KDM6A: variants seen among roughly 807,000 people sequenced by gnomAD.
KDM6A encodes lysine-specific demethylase 6A.
A neutral mutation model predicts 117.6 loss-of-function variants in KDM6A; 11 were observed. That is an observed-to-expected ratio of 0.09 (90% CI 0.06 to 0.15). The LOEUF is 0.15. Among genes scored for constraint, KDM6A ranks in the 10% least tolerant of loss-of-function variants. The pLI is 1.00. For missense variants in KDM6A, 799 were observed against 1,077.3 expected (o/e 0.74, Z 3.62); for synonymous variants, 384 against 396.1 (o/e 0.97, Z 0.36).
rs183141579 is a variant in KDM6A at position 44,909,611 on chromosome X, A to G, written c.225+35624A>G. ...ACATTTCAAAATACTAATACCGTAG[A>G]GTATTAGTCATCTATACATTTCTGT... On this transcript the variant is annotated intron_variant, in intron 2 of 29. Coordinates refer to ENST00000611820, the MANE Select transcript of KDM6A (RefSeq NM_001291415.2). Among the ~76,000 whole-genome samples the G allele has an allele frequency of 6.2e-5, 7 of 112,046 alleles. No individual in the cohort carries two copies. The East Asian group carries it at 1.1e-3, about 18-fold the overall frequency.
intron 7 of KDM6A, 46 bp downstream of exon 7, chrX:45,035,031 C>T: frequency 1.1e-6 from 1 of 943,257 alleles, no homozygotes; most frequent in Non-Finnish European, 1.5e-6. Flanking sequence ...ATTCCGATCA[C>T]TTCATGGCAA....
chrX:45,111,187 G>T (rs778222255), intron 29 of KDM6A, among the ~76,000 whole-genome samples, 195 bp from the exon 30 acceptor site: 17 of 111,050 alleles, frequency 1.5e-4, no homozygotes, highest in Admixed American at 1.2e-3. Flanking sequence ...CACTGAGTAG[G>T]ATAATGGTCT....
At chrX:44,918,212 A>G (rs969126732) in intron 2 of KDM6A, among the ~76,000 whole-genome samples, 8 of 111,901 alleles carry the variant, frequency 7.1e-5, no homozygotes, top group African/African-American at 2.6e-4. Flanking sequence ...ACCCAGTACA[A>G]AAATTGAAAG....
chrX:44,910,332 G>A (rs955184706), intron 2 of KDM6A, among the ~76,000 whole-genome samples: 3 of 111,416 alleles, frequency 2.7e-5, no homozygotes, highest in Admixed American at 9.5e-5. Context: ...ACTCACAGCC[G>A]TATGACACCA....
At chrX:44,900,829 G>A (rs2034294965) in intron 2 of KDM6A, among the ~76,000 whole-genome samples, 1 of 111,404 alleles carries the variant, frequency 9.0e-6, no homozygotes, top group Admixed American at 9.5e-5. Flanking sequence ...CCTGGGAGGT[G>A]GAGATCGTGT....
At chrX:44,978,971 C>T (rs1214936918) in intron 4 of KDM6A, among the ~76,000 whole-genome samples, 1 of 112,137 alleles carries the variant, frequency 8.9e-6, no homozygotes, top group African/African-American at 3.2e-5. Flanking sequence ...GGATATGCCA[C>T]AGTTTTTCTC....
chrX:44,892,199 T>G (rs2033420470), intron 2 of KDM6A, among the ~76,000 whole-genome samples: 1 of 112,525 alleles, frequency 8.9e-6, no homozygotes. Flanking sequence ...GATTTAGCTA[T>G]TCTGAGATCT....
intron 2 of KDM6A, among the ~76,000 whole-genome samples, chrX:44,951,266 A>T (rs189775810): frequency 1.4e-3 from 153 of 111,785 alleles, no homozygotes; most frequent in African/African-American, 4.8e-3. Context: ...GTTATTCCTA[A>T]CATTTGCCAA....
At chrX:44,990,417 G>A (rs1054065638) in intron 4 of KDM6A, among the ~76,000 whole-genome samples, 6 of 110,516 alleles carry the variant, frequency 5.4e-5, no homozygotes, top group African/African-American at 2.0e-4. Context: ...GCACGCGCTT[G>A]TAATCCCAGC....
chrX:44,914,472 A>C (rs906659673), intron 2 of KDM6A, among the ~76,000 whole-genome samples: 2 of 111,845 alleles, frequency 1.8e-5, no homozygotes, highest in Non-Finnish European at 3.8e-5. Context: ...TATGTCTCAG[A>C]TAAGTTTTTT....
At chrX:45,085,071 A>G (rs901441195) in intron 24 of KDM6A, among the ~76,000 whole-genome samples, 1 of 111,822 alleles carries the variant, frequency 8.9e-6, no homozygotes. Context: ...TATTTTATCC[A>G]TAGTCAGGTA....
At chrX:44,980,213 C>T (rs1227945852) in intron 4 of KDM6A, among the ~76,000 whole-genome samples, 1 of 110,654 alleles carries the variant, frequency 9.0e-6, no homozygotes, top group Non-Finnish European at 1.9e-5. Context: ...CCAGGATGGT[C>T]TCGATCTCCT....
chrX:45,047,009 T>TGGTGGTGGTGGTGGTGGTGGTGGTGG, intron 8 of KDM6A, among the ~76,000 whole-genome samples: 1 of 110,741 alleles, frequency 9.0e-6, no homozygotes, highest in African/African-American at 3.3e-5. Flanking sequence ...GTGGTGGTGG[T>TGGTGGTGGTGGTGGTGGTGGTGGTGG]TTGGAGTGTC....
intron 6 of KDM6A, among the ~76,000 whole-genome samples, chrX:45,032,047 C>T (rs746080579): frequency 9.0e-6 from 1 of 111,032 alleles, no homozygotes; most frequent in South Asian, 3.8e-4. Flanking sequence ...AAAAAAAAGT[C>T]ATAAGTAAAT....
intron 27 of KDM6A, among the ~76,000 whole-genome samples, chrX:45,098,821 T>C (rs1330939747): frequency 8.9e-6 from 1 of 111,835 alleles, no homozygotes; most frequent in Non-Finnish European, 1.9e-5. Context: ...GGTACTGATC[T>C]CCTTTAATTC....
intron 6 of KDM6A, 73 bp from the exon 7 acceptor site, chrX:45,034,858 C>A (rs904939667): frequency 2.4e-6 from 2 of 844,677 alleles, no homozygotes; most frequent in Admixed American, 2.2e-5. Context: ...CCTTACATAC[C>A]TGAAAAGTAT....
At chrX:45,083,685 A>G (rs952901743) in intron 24 of KDM6A, 77 bp downstream of exon 24, 3 of 894,692 alleles carry the variant, frequency 3.4e-6, no homozygotes, top group Admixed American at 2.4e-5. Context: ...GACAGCCAGA[A>G]TCTTGTCATT....
At chrX:45,071,198 A>G (rs1039981292) in intron 18 of KDM6A, among the ~76,000 whole-genome samples, 5 of 112,479 alleles carry the variant, frequency 4.4e-5, no homozygotes, top group African/African-American at 1.3e-4. Context: ...TTTCTGATAC[A>G]TTAAATGTTA....
At chrX:44,974,797 T>G in intron 4 of KDM6A, 82 bp downstream of exon 4, 5 of 670,980 alleles carry the variant, frequency 7.5e-6, no homozygotes, top group Non-Finnish European at 1.2e-5. Flanking sequence ...AATTGAGCTC[T>G]TGCTTTTTTT....
Sources: allele counts gnomAD v4.1 joint callset (sites outside exome capture counted in the v4.1 genomes callset), GRCh38; gene constraint gnomAD v4.1.1; transcripts MANE v1.5; gene names NCBI Gene and HGNC (gene_info 2026-07-23, HGNC 2026-07-21).